The following AR variants were observed in gnomAD, a reference collection of about 807,000 sequenced individuals.
The protein encoded by AR is androgen receptor, also known as dihydrotestosterone receptor.
In AR, 8 loss-of-function variants were observed where a neutral mutation model predicts 53.9. The ratio of observed to expected loss-of-function variants is 0.15; its 90% CI spans 0.09 to 0.27. The LOEUF (loss-of-function observed/expected upper bound fraction) is 0.27. Among genes scored for constraint, AR ranks in the 10% least tolerant of loss-of-function variants. AR has a pLI of 1.00. For missense variants in AR, 639 were observed against 742.5 expected, an observed-to-expected ratio of 0.86 and a Z score of 1.62; for synonymous variants, 359 against 316.4, an observed-to-expected ratio of 1.13 and a Z score of -1.43.
intron 3 of AR, among the ~76,000 whole-genome samples, chrX:67,704,963 C>T (rs1245653531): frequency 1.8e-5 from 2 of 111,664 alleles, no homozygotes; most frequent in African/African-American, 6.5e-5. Flanking sequence ...TGTAGATACG[C>T]AGCATTATTT....
At chrX:67,676,048 A>T (rs767789470) in intron 2 of AR, among the ~76,000 whole-genome samples, 6 of 112,327 alleles carry the variant, frequency 5.3e-5, no homozygotes, top group Non-Finnish European at 7.5e-5. Context: ...GGCTGAAAAG[A>T]TCAAAGGTGA....
chrX:67,592,062 A>C lies in AR; in HGVS notation c.1616+45300A>C, dbSNP rs369521369. On this transcript the variant is annotated intron_variant, in intron 1 of 7. Coordinates refer to ENST00000374690, the MANE Select transcript of AR (RefSeq NM_000044.6). ...ATGTGAAACTAAGATAATGTGTTCA[A>C]GAGTGATGCTTTGTTGATGCAGAAC... Among the ~76,000 whole-genome samples the C allele has an allele frequency of 5.3e-5, 6 of 112,573 alleles. No homozygotes were observed. In the East Asian group the frequency reaches 1.7e-3, roughly 32 times the overall value.
intron 1 of AR, among the ~76,000 whole-genome samples, chrX:67,593,464 C>T (rs1006491821): frequency 9.2e-6 from 1 of 108,780 alleles, no homozygotes; most frequent in Non-Finnish European, 1.9e-5. Flanking sequence ...CGGGTTCAAG[C>T]GATTCCCTTG....
intron 1 of AR, among the ~76,000 whole-genome samples, chrX:67,567,966 T>A (rs1395658181): frequency 9.0e-6 from 1 of 111,091 alleles, no homozygotes; most frequent in Non-Finnish European, 1.9e-5. Context: ...GCAATTGTAG[T>A]AACGGGGCTG....
chrX:67,574,846 A>C (rs1165314710), intron 1 of AR, among the ~76,000 whole-genome samples: 1 of 111,523 alleles, frequency 9.0e-6, no homozygotes, highest in Non-Finnish European at 1.9e-5. Context: ...TAATAAACTC[A>C]AAGCGGCATT....
At chrX:67,554,975 T>C (rs1930135742) in intron 1 of AR, among the ~76,000 whole-genome samples, 1 of 109,168 alleles carries the variant, frequency 9.2e-6, no homozygotes, top group Non-Finnish European at 1.9e-5. Flanking sequence ...ACCTGCTATG[T>C]GCCCAGCATG....
intron 1 of AR, among the ~76,000 whole-genome samples, chrX:67,599,906 C>G (rs1420992415): frequency 1.8e-5 from 2 of 111,442 alleles, no homozygotes; most frequent in Non-Finnish European, 3.8e-5. Flanking sequence ...ATTAAATCAA[C>G]CATTAAATAC....
At chrX:67,606,230 C>T (rs995406852) in intron 1 of AR, among the ~76,000 whole-genome samples, 1 of 111,057 alleles carries the variant, frequency 9.0e-6, no homozygotes, top group African/African-American at 3.3e-5. Context: ...AAGGGAATGG[C>T]ACATACTTCA....
At chrX:67,609,041 T>C (rs964271856) in intron 1 of AR, among the ~76,000 whole-genome samples, 1 of 111,022 alleles carries the variant, frequency 9.0e-6, no homozygotes, top group Non-Finnish European at 1.9e-5. Context: ...TGCTACTGTT[T>C]TGAATAGTAC....
At chrX:67,568,139 C>T (rs1921636258) in intron 1 of AR, among the ~76,000 whole-genome samples, 1 of 111,583 alleles carries the variant, frequency 9.0e-6, no homozygotes, top group Non-Finnish European at 1.9e-5. Flanking sequence ...CAAGTAGGCA[C>T]GTCTGTGTCT....
At chrX:67,569,375 AG>A (rs1378649435) in intron 1 of AR, among the ~76,000 whole-genome samples, 1 of 111,611 alleles carries the variant, frequency 9.0e-6, no homozygotes, top group Non-Finnish European at 1.9e-5. Context: ...CCTTTGTGCA[AG>A]GAACAACTGT....
chrX:67,616,078 G>T (rs1028954915), intron 1 of AR, among the ~76,000 whole-genome samples: 3 of 111,189 alleles, frequency 2.7e-5, no homozygotes, highest in Non-Finnish European at 3.8e-5. Flanking sequence ...ATATGATGTC[G>T]ATTCTGTTAA....
intron 3 of AR, among the ~76,000 whole-genome samples, chrX:67,702,886 C>A (rs1348720166): frequency 1.8e-5 from 2 of 111,319 alleles, no homozygotes; most frequent in African/African-American, 6.5e-5. Context: ...GAGTTTGAGT[C>A]CAGCCTGGAC....
intron 1 of AR, among the ~76,000 whole-genome samples, chrX:67,628,760 A>T (rs754681596): frequency 8.9e-6 from 1 of 111,760 alleles, no homozygotes; most frequent in Non-Finnish European, 1.9e-5. Context: ...TCAGTATGTT[A>T]TTGGCTGTGG....
chrX:67,617,384 A>T (rs757344391), intron 1 of AR, among the ~76,000 whole-genome samples: 32 of 111,905 alleles, frequency 2.9e-4, no homozygotes, highest in Non-Finnish European at 5.1e-4. Flanking sequence ...CCTCAGTCTA[A>T]TGGTGTCTGG....
intron 3 of AR, among the ~76,000 whole-genome samples, chrX:67,709,229 C>A (rs928011907): frequency 8.9e-5 from 10 of 112,202 alleles, no homozygotes; most frequent in Non-Finnish European, 1.7e-4. Flanking sequence ...CTATGCCCTG[C>A]CCCCAGAGGT....
intron 2 of AR, among the ~76,000 whole-genome samples, chrX:67,683,708 G>A (rs893946638): frequency 6.2e-5 from 7 of 112,195 alleles, no homozygotes; most frequent in African/African-American, 2.3e-4. Context: ...TAGATTATCA[G>A]TAAATGTTAA....
Position 67,728,615 on chromosome X carries a change from A to ATATATATATG in AR, c.*4774_*4775insTATATATATG, listed in dbSNP as rs1555999011. 1.1e-5 allele frequency: 1 copy of ATATATATATG among 92,901 alleles called. No homozygotes were observed. Among genetic ancestry groups the ATATATATATG allele is most frequent in the Non-Finnish European group, 2.1e-5 (1 of 47,883 alleles). 7.7% of individuals were successfully genotyped at this position (92,901 alleles called of 1,213,427 possible). ...TATATATATATATATATATATATAT[A>ATATATATATG]GTGTGTGTGTGTGTTCTGATAGCTT... On this transcript the variant is annotated 3_prime_UTR_variant, in exon 8 of 8. Transcript: ENST00000374690.
At chrX:67,570,138 T>C (rs1921749380) in intron 1 of AR, among the ~76,000 whole-genome samples, 1 of 112,261 alleles carries the variant, frequency 8.9e-6, no homozygotes, top group Non-Finnish European at 1.9e-5. Context: ...GTGTTGGCTG[T>C]CCCTGTGTTT....
Sources: gnomAD v4.1 joint callset for allele counts (sites outside exome capture counted in the v4.1 genomes callset) on GRCh38, gnomAD v4.1.1 for gene constraint, MANE v1.5 for transcripts, NCBI Gene and HGNC (gene_info 2026-07-23, HGNC 2026-07-21) for gene names.